LINGO2: variants seen among roughly 807,000 people sequenced by gnomAD.
The protein encoded by LINGO2 is leucine rich repeat and Ig domain containing 2.
Under a neutral mutation model 30.6 loss-of-function variants are expected in LINGO2, and 14 were observed. That is an observed-to-expected ratio of 0.46 (90% CI 0.30 to 0.72). The LOEUF is 0.72. Ranked by LOEUF, LINGO2 falls within the 30% of genes least tolerant of loss-of-function variation. The pLI, the probability that LINGO2 is intolerant of heterozygous loss-of-function variation, is 0.07. For missense variants in LINGO2, 729 were observed against 751.7 expected (o/e 0.97, Z 0.35); for synonymous variants, 317 against 288.5 (o/e 1.10, Z -1.00).
intron 5 of LINGO2, among the ~76,000 whole-genome samples, chr9:27,959,209 C>G (rs1458028865): frequency 6.6e-6 from 1 of 151,696 alleles, no homozygotes; most frequent in Admixed American, 6.6e-5. Flanking sequence ...TTAAAATTTT[C>G]AAAGGACCAA....
intron 1 of LINGO2, among the ~76,000 whole-genome samples, chr9:28,622,157 G>C (rs1826427676): frequency 6.6e-6 from 1 of 151,946 alleles, no homozygotes; most frequent in African/African-American, 2.4e-5. Flanking sequence ...AAACAACCCA[G>C]TTATATTATT....
At chr9:28,745,782 G>A in the LINGO2 span, among the ~76,000 whole-genome samples, 1 of 151,886 alleles carries the variant, frequency 6.6e-6, no homozygotes, top group African/African-American at 2.4e-5. Context: ...AAGAGAATAT[G>A]GCTTCAAATA....
the LINGO2 span, among the ~76,000 whole-genome samples, chr9:28,901,627 A>T: frequency 6.6e-6 from 1 of 151,914 alleles, no homozygotes; most frequent in Non-Finnish European, 1.5e-5. Flanking sequence ...TTAAGTTATC[A>T]GCTTAAAAGA....
chr9:28,252,821 G>A (rs1822252361), intron 4 of LINGO2, among the ~76,000 whole-genome samples: 1 of 151,954 alleles, frequency 6.6e-6, no homozygotes, highest in Non-Finnish European at 1.5e-5. Flanking sequence ...GGAAATCCAG[G>A]TCTTCTGGAT....
chr9:28,345,231 T>G (rs1819521709), intron 3 of LINGO2, among the ~76,000 whole-genome samples: 1 of 152,168 alleles, frequency 6.6e-6, no homozygotes, highest in African/African-American at 2.4e-5. Flanking sequence ...TTGTGGCTAT[T>G]TAAGAATTGA....
chr9:28,212,657 C>T (rs922190839), intron 4 of LINGO2, among the ~76,000 whole-genome samples: 17 of 151,404 alleles, frequency 1.1e-4, no homozygotes, highest in African/African-American at 3.9e-4. Flanking sequence ...TTGATCAATA[C>T]AGTAGCTTCC....
chr9:28,016,807 T>A (rs1822864470), intron 4 of LINGO2, among the ~76,000 whole-genome samples: 1 of 151,604 alleles, frequency 6.6e-6, no homozygotes, highest in South Asian at 2.1e-4. Context: ...GTCCAAAAAA[T>A]TGAGGAGGAA....
At chr9:28,065,334 C>G (rs183101682) in intron 4 of LINGO2, among the ~76,000 whole-genome samples, 1 of 151,992 alleles carries the variant, frequency 6.6e-6, no homozygotes, top group Non-Finnish European at 1.5e-5. Context: ...ATGTCTGGTA[C>G]CAAGCAAGTT....
the LINGO2 span, among the ~76,000 whole-genome samples, chr9:28,698,982 T>C: frequency 3.3e-5 from 5 of 151,802 alleles, no homozygotes; most frequent in African/African-American, 1.2e-4. Context: ...TTTGAGGCTG[T>C]AGTGAGCTAT....
the LINGO2 span, among the ~76,000 whole-genome samples, chr9:28,784,692 GCCTGTAAT>G: frequency 6.8e-3 from 1,041 of 152,226 alleles, 8 homozygotes; most frequent in Non-Finnish European, 0.011. Flanking sequence ...GGTGGCTCAC[GCCTGTAAT>G]CCCAGCACTT....
At chr9:28,724,806 G>T in the LINGO2 span, among the ~76,000 whole-genome samples, 2 of 152,056 alleles carry the variant, frequency 1.3e-5, no homozygotes, top group Non-Finnish European at 2.9e-5. Flanking sequence ...AAGTTTGGGG[G>T]TCATCCAAAT....
chr9:28,979,643 A>C, the LINGO2 span, among the ~76,000 whole-genome samples: 1 of 152,058 alleles, frequency 6.6e-6, no homozygotes, highest in East Asian at 1.9e-4. Flanking sequence ...TTTATTATAC[A>C]TATGCGGGAC....
intron 3 of LINGO2, among the ~76,000 whole-genome samples, chr9:28,339,576 T>C (rs1159709846): frequency 6.6e-6 from 1 of 152,174 alleles, no homozygotes; most frequent in Non-Finnish European, 1.5e-5. Context: ...AATGTCAACA[T>C]ATTTTCTGAA....
At chr9:27,991,299 T>C (rs914392462) in intron 5 of LINGO2, among the ~76,000 whole-genome samples, 1 of 152,076 alleles carries the variant, frequency 6.6e-6, no homozygotes, top group African/African-American at 2.4e-5. Flanking sequence ...CAGCCTTCTC[T>C]GAAGAGCTTA....
At chr9:28,563,033 G>T (rs918036026) in intron 1 of LINGO2, among the ~76,000 whole-genome samples, 1 of 152,064 alleles carries the variant, frequency 6.6e-6, no homozygotes, top group Non-Finnish European at 1.5e-5. Context: ...TTTTAGTAGA[G>T]ATGGGGTTTC....
chr9:28,574,694 T>C (rs1823868357), intron 1 of LINGO2, among the ~76,000 whole-genome samples: 1 of 152,128 alleles, frequency 6.6e-6, no homozygotes, highest in African/African-American at 2.4e-5. Context: ...GATTTTAAGA[T>C]TTTAGGAAAT....
rs1018898048 is a variant in LINGO2 at position 27,949,940 on chromosome 9, A to C, written c.732T>G (p.Asn244Lys). Reference sequence around the variant, plus strand: ...ATGTGAGGTTGAGACCGTAGAGGCTATTGGCAGGCATCATATCCAGTAAAG... The same window carrying C: ...ATGTGAGGTTGAGACCGTAGAGGCTCTTGGCAGGCATCATATCCAGTAAAG... The change falls in exon 6 of 6, where the codon AAT becomes AAG. Residue 244 changes from asparagine to lysine, a missense_variant. Coordinates refer to ENST00000379992, the Ensembl canonical transcript of LINGO2. The C allele has an allele frequency of 5.6e-6, 9 of 1,614,000 alleles. No individual in the cohort carries two copies. In the African/African-American group the frequency reaches 1.2e-4, roughly 22 times the overall value.
intron 1 of LINGO2, among the ~76,000 whole-genome samples, chr9:28,579,334 G>T (rs1824148624): frequency 6.6e-6 from 1 of 152,038 alleles, no homozygotes; most frequent in African/African-American, 2.4e-5. Context: ...TTCTGAGGGA[G>T]GGGTAATGAC....
At chr9:28,731,064 C>A in the LINGO2 span, among the ~76,000 whole-genome samples, 3 of 151,898 alleles carry the variant, frequency 2.0e-5, no homozygotes, top group African/African-American at 7.3e-5. Context: ...GATTTCGGCT[C>A]ACCACAACCT....
Sources: allele counts gnomAD v4.1 joint callset (sites outside exome capture counted in the v4.1 genomes callset), GRCh38; gene constraint gnomAD v4.1.1; transcripts MANE v1.5; gene names NCBI Gene and HGNC (gene_info 2026-07-23, HGNC 2026-07-21).